Variants in AP1G1 observed in about 807,000 individuals in gnomAD.
AP1G1 encodes the protein AP-1 complex subunit gamma-1.
AP1G1 carries 7 observed loss-of-function variants against 108.3 expected under a neutral mutation model. The ratio of observed to expected loss-of-function variants is 0.06; its 90% CI spans 0.04 to 0.12. AP1G1 has a LOEUF of 0.12. AP1G1 is among the 10% of genes least tolerant of loss of function. The probability of loss-of-function intolerance (pLI) is 1.00; values close to 1 mark genes in which losing one functional copy is unlikely to be tolerated. For synonymous variants in AP1G1, 379 were observed against 353.5 expected (o/e 1.07, Z -0.81); for missense variants, 756 against 1,010.7 (o/e 0.75, Z 3.42).
chr16:71,734,451 T>A, intron 22 of AP1G1, 158 bp downstream of exon 22: 1 of 633,472 alleles, frequency 1.6e-6, no homozygotes, highest in South Asian at 2.2e-5. Flanking sequence ...TGGGTTCCAT[T>A]TGTTATTTAC....
chr16:71,754,008 G>C, intron 12 of AP1G1, 121 bp from the exon 13 acceptor site: 1 of 890,904 alleles, frequency 1.1e-6, no homozygotes, highest in South Asian at 1.5e-5. Context: ...GGGAGGCCGA[G>C]GTGGGAGATC....
intron 1 of AP1G1, chr16:71,808,485 G>A (rs751901344): frequency 1.6e-6 from 2 of 1,241,454 alleles, no homozygotes; most frequent in Admixed American, 2.8e-5. Context: ...AGAAAGTCAA[G>A]GGTTCAAGGA....
At chr16:71,746,801 A>C in intron 16 of AP1G1, 109 bp from the exon 17 acceptor site, 1 of 700,888 alleles carries the variant, frequency 1.4e-6, no homozygotes, top group Non-Finnish European at 2.3e-6. Flanking sequence ...TGAAATACTC[A>C]TTTTTTCTTA....
At chr16:71,759,447 C>G (rs766922351) in intron 10 of AP1G1, among the ~76,000 whole-genome samples, 5 of 151,344 alleles carry the variant, frequency 3.3e-5, no homozygotes, top group Non-Finnish European at 7.4e-5. Context: ...GGTGACAGAG[C>G]GAGACTCTGT....
At chr16:71,763,518 T>C (rs1200406914) in intron 9 of AP1G1, among the ~76,000 whole-genome samples, 1 of 152,210 alleles carries the variant, frequency 6.6e-6, no homozygotes, top group Non-Finnish European at 1.5e-5. Context: ...ATGTTATATA[T>C]ATTTTATCAC....
At chr16:71,797,379 C>G (rs978100173) in intron 1 of AP1G1, among the ~76,000 whole-genome samples, 1 of 151,940 alleles carries the variant, frequency 6.6e-6, no homozygotes, top group Non-Finnish European at 1.5e-5. Context: ...TGAAAAAAAG[C>G]AAACAAATTA....
chr16:71,761,255 G>C (rs1441545691), intron 10 of AP1G1, among the ~76,000 whole-genome samples: 2 of 152,112 alleles, frequency 1.3e-5, no homozygotes, highest in African/African-American at 2.4e-5. Flanking sequence ...GGCCCACAAA[G>C]CCTAAAATAT....
intron 1 of AP1G1, chr16:71,808,279 G>C: frequency 1.1e-6 from 1 of 899,664 alleles, no homozygotes; most frequent in South Asian, 2.1e-5. Flanking sequence ...GCCGATGTCC[G>C]GTTCCGAGAG....
rs749863603 is a variant in AP1G1 at position 71,739,250 on chromosome 16, G to A, written c.2091C>T (p.Phe697=). 1.0e-4 allele frequency: 166 copies of A among 1,613,532 alleles called. No individual in the cohort carries two copies. Among genetic ancestry groups the A allele is most frequent in the Non-Finnish European group, 8.5e-5 (100 of 1,179,830 alleles). Residue 697 remains phenylalanine (F), a synonymous_variant, in exon 20 of 23, where the codon TTC becomes TTT. Transcript: ENST00000299980. ...TCATCGTACCTGCAGCAATATCATT[G>A]AAGAGAGGCTGTGATGAAAGCCCAT... The part of the protein sequence containing the change: ...LLDGLSSQPL[F]NDIAAGIPSI...
intron 15 of AP1G1, among the ~76,000 whole-genome samples, chr16:71,749,489 A>C (rs553218827): frequency 6.6e-6 from 1 of 152,136 alleles, no homozygotes; most frequent in South Asian, 2.1e-4. Flanking sequence ...ATTAAAAAAA[A>C]AAAAACAAAA....
At chr16:71,762,035 C>G (rs1055354690) in intron 9 of AP1G1, among the ~76,000 whole-genome samples, 2 of 151,898 alleles carry the variant, frequency 1.3e-5, no homozygotes, top group African/African-American at 4.8e-5. Flanking sequence ...AGGAATTGAT[C>G]TGACAAACAA....
chr16:71,767,839 T>C (rs746922446), intron 6 of AP1G1: 2 of 1,594,790 alleles, frequency 1.3e-6, no homozygotes, highest in African/African-American at 1.3e-5. Context: ...AAGGACCTAA[T>C]GCCAGCATGC....
chr16:71,739,102 C>A lies in AP1G1; in HGVS notation c.2108G>T (p.Gly703Val). ...ACTGTATGCTGTGATGGAGGGGATG[C>A]CTGAGAAAGTACAGGAAGATAAGTC... ...SQPLFNDIAAGIPSITAYSKN... is the reference protein window; with the variant it reads ...SQPLFNDIAAVIPSITAYSKN... Residue 703 changes from glycine to valine, a missense_variant and splice_region_variant, in exon 21 of 23, where the codon GGC becomes GTC. Gly to Val is a moderately radical substitution (Grantham distance 109). Transcript: ENST00000299980. 6.2e-7 allele frequency: 1 copy of A among 1,613,996 alleles called. No individual in the cohort carries two copies. Among genetic ancestry groups the A allele is most frequent in the Non-Finnish European group, 8.5e-7 (1 of 1,179,978 alleles).
At chr16:71,767,841 C>A in intron 6 of AP1G1, 1 of 1,595,072 alleles carries the variant, frequency 6.3e-7, no homozygotes, top group Non-Finnish European at 8.5e-7. Flanking sequence ...GGACCTAATG[C>A]CAGCATGCAC....
chr16:71,778,903 G>C (rs1403107971), intron 2 of AP1G1, among the ~76,000 whole-genome samples: 2 of 152,100 alleles, frequency 1.3e-5, no homozygotes, highest in Non-Finnish European at 2.9e-5. Context: ...TCAATTACAT[G>C]CATCTGCCCC....
intron 1 of AP1G1, among the ~76,000 whole-genome samples, chr16:71,804,706 C>A (rs1441155813): frequency 6.6e-6 from 1 of 152,178 alleles, no homozygotes; most frequent in Non-Finnish European, 1.5e-5. Flanking sequence ...CTGCACCAGC[C>A]TGCTCTCTTA....
At chr16:71,760,256 G>C (rs1361978282) in intron 10 of AP1G1, among the ~76,000 whole-genome samples, 1 of 147,588 alleles carries the variant, frequency 6.8e-6, no homozygotes, top group South Asian at 2.1e-4. Context: ...TTGAAACAGG[G>C]TCTCGGCCAG....
intron 13 of AP1G1, chr16:71,750,552 C>A (rs1021895913): frequency 6.8e-6 from 3 of 440,212 alleles, no homozygotes; most frequent in African/African-American, 2.0e-5. Flanking sequence ...GTAGCTGGGA[C>A]TACAGGTACA....
intron 1 of AP1G1, chr16:71,807,873 C>T (rs2033049008): frequency 1.6e-6 from 2 of 1,285,704 alleles, no homozygotes; most frequent in African/African-American, 1.5e-5. Flanking sequence ...AAAAAAAATA[C>T]CACACAAGTG....
Sources: allele counts gnomAD v4.1 joint callset (sites outside exome capture counted in the v4.1 genomes callset), GRCh38; gene constraint gnomAD v4.1.1; transcripts MANE v1.5; gene names NCBI Gene and HGNC (gene_info 2026-07-23, HGNC 2026-07-21).